Variants in CSMD3 observed in about 807,000 individuals in gnomAD.
CSMD3 encodes the protein CUB and Sushi multiple domains 3.
A neutral mutation model predicts 435.2 loss-of-function variants in CSMD3; 177 were observed. The observed-to-expected ratio is 0.41, with a 90% CI of 0.36 to 0.46. CSMD3 has a LOEUF of 0.46. CSMD3 is among the 20% of genes least tolerant of loss of function. The pLI, the probability that CSMD3 is intolerant of heterozygous loss-of-function variation, is 0.34. For synonymous variants in CSMD3, 1,656 were observed against 1,520.5 expected, an observed-to-expected ratio of 1.09 and a Z score of -2.07; for missense variants, 4,265 against 4,504.6, an observed-to-expected ratio of 0.95 and a Z score of 1.52.
intron 50 of CSMD3, among the ~76,000 whole-genome samples, chr8:112,308,219 A>G (rs537202220): frequency 3.5e-4 from 53 of 152,236 alleles, no homozygotes; most frequent in African/African-American, 1.3e-3. Context: ...AGCAATGTTT[A>G]TATTTTCACT....
chr8:112,578,329 G>A (rs982722051), intron 23 of CSMD3, among the ~76,000 whole-genome samples: 1 of 151,850 alleles, frequency 6.6e-6, no homozygotes, highest in Admixed American at 6.6e-5. Context: ...GGGGCATTCG[G>A]TTTTTTGTTA....
At chr8:112,970,725 C>CTTT (rs761315288) in intron 7 of CSMD3, among the ~76,000 whole-genome samples, 2 of 138,682 alleles carry the variant, frequency 1.4e-5, no homozygotes, top group Non-Finnish European at 3.2e-5. Context: ...GCTTTCTTTT[C>CTTT]TTTTTTTTTT....
intron 13 of CSMD3, among the ~76,000 whole-genome samples, chr8:112,794,118 T>C (rs1446025060): frequency 6.6e-6 from 1 of 151,938 alleles, no homozygotes; most frequent in Non-Finnish European, 1.5e-5. Flanking sequence ...TATGTCTTTC[T>C]TTCTATTCAT....
At chr8:113,103,266 T>C (rs762440005) in intron 4 of CSMD3, among the ~76,000 whole-genome samples, 2 of 152,136 alleles carry the variant, frequency 1.3e-5, no homozygotes, top group Non-Finnish European at 2.9e-5. Context: ...TGTGGTTGCT[T>C]AACATACAGA....
intron 4 of CSMD3, among the ~76,000 whole-genome samples, chr8:113,109,224 T>C (rs1031686341): frequency 6.6e-6 from 1 of 152,338 alleles, no homozygotes. Context: ...CCCTGAAAAA[T>C]TAATGTCTTT....
intron 45 of CSMD3, among the ~76,000 whole-genome samples, chr8:112,325,142 T>C (rs930044042): frequency 2.6e-5 from 4 of 152,134 alleles, no homozygotes; most frequent in Non-Finnish European, 5.9e-5. Context: ...TAAAAAAATG[T>C]TAAACCACAT....
intron 1 of CSMD3, among the ~76,000 whole-genome samples, chr8:113,401,048 T>C (rs1431366494): frequency 1.3e-5 from 2 of 151,752 alleles, no homozygotes; most frequent in Non-Finnish European, 3.0e-5. Flanking sequence ...AATGTTACCC[T>C]AACCATTTAG....
At chr8:112,950,097 A>ATTAATAGT (rs1417592521) in intron 8 of CSMD3, among the ~76,000 whole-genome samples, 1 of 152,002 alleles carries the variant, frequency 6.6e-6, no homozygotes, top group Non-Finnish European at 1.5e-5. Context: ...ATAGTTTCAC[A>ATTAATAGT]TACCTTTAGT....
intron 6 of CSMD3, among the ~76,000 whole-genome samples, chr8:113,014,662 A>G (rs1425018474): frequency 6.6e-6 from 1 of 152,102 alleles, no homozygotes; most frequent in East Asian, 1.9e-4. Flanking sequence ...ATTACAACAC[A>G]TTATGAAAGC....
At chr8:112,327,715 G>C (rs1325320309) in intron 45 of CSMD3, among the ~76,000 whole-genome samples, 1 of 152,090 alleles carries the variant, frequency 6.6e-6, no homozygotes, top group Non-Finnish European at 1.5e-5. Context: ...ACAACTACAT[G>C]AGAGCATCGT....
intron 42 of CSMD3, 25 bp from the exon 43 acceptor site, chr8:112,337,756 T>C (rs776274856): frequency 6.3e-7 from 1 of 1,589,868 alleles, no homozygotes; most frequent in East Asian, 2.2e-5. Context: ...AAGAAAGACA[T>C]TTTTTCTTTC....
chr8:112,923,189 T>C (rs2082799713), intron 9 of CSMD3, among the ~76,000 whole-genome samples: 1 of 152,148 alleles, frequency 6.6e-6, no homozygotes, highest in South Asian at 2.1e-4. Context: ...TTTTCCTCTT[T>C]CTGTTCTTGC....
intron 9 of CSMD3, among the ~76,000 whole-genome samples, chr8:112,933,086 A>T (rs971025077): frequency 2.0e-5 from 3 of 152,172 alleles, no homozygotes; most frequent in African/African-American, 7.2e-5. Context: ...CAAATCGTGG[A>T]TTGGGGAGTT....
At chr8:113,302,046 T>G (rs1005046791) in intron 2 of CSMD3, among the ~76,000 whole-genome samples, 3 of 151,280 alleles carry the variant, frequency 2.0e-5, no homozygotes, top group Non-Finnish European at 2.9e-5. Flanking sequence ...GTTGCCTGGC[T>G]TAAGTCTTCT....
chr8:112,407,557 G>A (rs764803911), intron 34 of CSMD3, among the ~76,000 whole-genome samples: 6 of 151,820 alleles, frequency 4.0e-5, no homozygotes, highest in Admixed American at 6.6e-5. Context: ...TTTTGCAGTC[G>A]TAATACCACA....
Position 112,506,737 on chromosome 8 carries a change from T to C in CSMD3, c.4849A>G (p.Thr1617Ala). The stretch of plus-strand genomic sequence containing the variant: ...ACATAGTCTGCATTGACGGTGATAG[T>C]CCAGTCACAGTCTCTGCTATGCGGA... ...PYPHSRDCDW[T>A]ITVNADYVIS... The change falls in exon 29 of 71, where the codon ACT (threonine) becomes GCT (alanine). Residue 1617 changes from threonine (T) to alanine (A), a missense_variant. Thr to Ala is a moderately conservative substitution (Grantham distance 58). Around this residue, in one of 3 missense-constraint regions of CSMD3, gnomAD observed 3,255 missense variants for 3,380.2 expected, o/e 0.96. Transcript: ENST00000297405. The C allele has an allele frequency of 1.2e-6, 2 of 1,613,058 alleles. No individual in the cohort carries two copies. Among genetic ancestry groups the C allele is most frequent in the East Asian group, 2.2e-5 (1 of 44,852 alleles).
At chr8:113,389,412 T>C (rs2094452488) in intron 1 of CSMD3, among the ~76,000 whole-genome samples, 1 of 151,658 alleles carries the variant, frequency 6.6e-6, no homozygotes, top group African/African-American at 2.4e-5. Flanking sequence ...GTTTATCCTC[T>C]TATCTTTCCC....
At chr8:112,241,858 GCA>G in intron 65 of CSMD3, 73 bp from the exon 66 acceptor site, 2 of 737,688 alleles carry the variant, frequency 2.7e-6, no homozygotes, top group Non-Finnish European at 2.4e-6. Flanking sequence ...ACACACACAC[GCA>G]CACACACACA....
chr8:112,513,782 A>G (rs914399009), intron 28 of CSMD3, among the ~76,000 whole-genome samples: 2 of 152,176 alleles, frequency 1.3e-5, no homozygotes, highest in African/African-American at 2.4e-5. Flanking sequence ...AAAAGACCAG[A>G]ATGATAGCAA....
Sources: allele counts gnomAD v4.1 joint callset (sites outside exome capture counted in the v4.1 genomes callset), GRCh38; gene constraint gnomAD v4.1.1; regional missense constraint gnomAD v4.1.1; transcripts MANE v1.5; gene names NCBI Gene and HGNC (gene_info 2026-07-23, HGNC 2026-07-21).